AFP: variants seen among roughly 807,000 people sequenced by gnomAD.
AFP encodes the protein alpha fetoprotein, also known as alpha-fetoprotein.
A neutral mutation model predicts 78.9 loss-of-function variants in AFP; 64 were observed. The ratio of observed to expected loss-of-function variants is 0.81; its 90% confidence interval spans 0.66 to 1.00. AFP has a LOEUF of 1.00. AFP is among the 50% of genes least tolerant of loss of function. AFP has a pLI of 0.00. For missense variants in AFP, 689 were observed against 703.8 expected (o/e 0.98, Z 0.24); for synonymous variants, 254 against 243.8 (o/e 1.04, Z -0.39).
At chr4:73,439,179 T>C (rs1054430081) in intron 3 of AFP, among the ~76,000 whole-genome samples, 2 of 152,160 alleles carry the variant, frequency 1.3e-5, no homozygotes, top group African/African-American at 4.8e-5. Context: ...CAACAAATAA[T>C]ATTTATTATT....
intron 3 of AFP, among the ~76,000 whole-genome samples, chr4:73,439,109 T>G (rs1719592039): frequency 1.3e-5 from 2 of 152,174 alleles, no homozygotes; most frequent in South Asian, 4.1e-4. Context: ...CAGTTCAATC[T>G]GAATTTTAGA....
At chr4:73,442,783 T>C (rs1719707953) in intron 5 of AFP, among the ~76,000 whole-genome samples, 1 of 152,024 alleles carries the variant, frequency 6.6e-6, no homozygotes, top group African/African-American at 2.4e-5. Context: ...AGAACTATGA[T>C]AAATGCTTTA....
intron 6 of AFP, among the ~76,000 whole-genome samples, chr4:73,443,858 T>A (rs1719746498): frequency 6.6e-6 from 1 of 152,198 alleles, no homozygotes; most frequent in Non-Finnish European, 1.5e-5. Context: ...TGTTTCTTAA[T>A]CTTCTATAAG....
chr4:73,447,635 T>C lies in AFP; in HGVS notation c.1017T>C (p.Phe339=), dbSNP rs779795832. The C allele has an allele frequency of 8.7e-5, 140 of 1,611,598 alleles. No homozygotes were observed. Among genetic ancestry groups the C allele is most frequent in the Non-Finnish European group, 1.2e-4 (137 of 1,179,600 alleles). Residue 339 remains phenylalanine (F), a synonymous_variant, in exon 8 of 15, where the codon TTT becomes TTC. Coordinates refer to ENST00000395792, the MANE Select transcript of AFP (RefSeq NM_001134.3). The stretch of plus-strand genomic sequence containing the variant: ...ACAGGTTTTTAGGAGATAGAGATTT[T>C]AACCAATTTTCTTCAGGGGAAAAAA... ...NLNRFLGDRD[F]NQFSSGEKNI...
rs577763643 is a variant in AFP, at chr4:73,450,262, T to G, written c.1289+129T>G. 23 of 817,998 alleles carry G rather than the reference T, an allele frequency of 2.8e-5. No individual in the cohort carries two copies. The South Asian group carries it at 3.8e-4, about 14-fold the overall frequency. The allele number at this position is 817,998 out of a possible 1,614,324, so 50.7% of individuals were successfully genotyped here. ...CTGATCTGTGGTATTGACTTTAAGT[T>G]CCCCATACTGTGCAAATTTTTGCAG... On this transcript the variant is annotated intron_variant, in intron 10 of 14. Transcript: ENST00000395792.
At chr4:73,452,753 C>A (rs983616319) in intron 12 of AFP, 129 bp downstream of exon 12, 6 of 801,240 alleles carry the variant, frequency 7.5e-6, no homozygotes, top group South Asian at 2.9e-5. Flanking sequence ...CTTAAAATGC[C>A]TTTGAAAATA....
chr4:73,436,439 T>C, intron 1 of AFP, 92 bp downstream of exon 1: 1 of 712,970 alleles, frequency 1.4e-6, no homozygotes, highest in Non-Finnish European at 2.3e-6. Context: ...TTATTATTCA[T>C]ATTTATTATT....
intron 10 of AFP, chr4:73,450,412 T>C: frequency 1.4e-6 from 1 of 712,612 alleles, no homozygotes; most frequent in Non-Finnish European, 2.3e-6. Context: ...TTTTTCATTG[T>C]GATATGCTTC....
At position 73,438,225 on chromosome 4, in the gene AFP, A is replaced by G; in HGVS notation, c.189A>G (p.Val63=). 2 of 1,613,574 alleles carry G rather than the reference A, an allele frequency of 1.2e-6. No homozygotes were observed. The highest frequency in any genetic ancestry group is 1.7e-6 in the Non-Finnish European group (2 of 1,179,566). Residue 63 remains valine (V), a synonymous_variant, in exon 3 of 15, where the codon GTA becomes GTG. Coordinates refer to ENST00000395792, the MANE Select transcript of AFP (RefSeq NM_001134.3). ...QFVQEATYKE[V]SKMVKDALTA... ...TTCAAGAAGCCACTTACAAGGAAGT[A>G]AGCAAAATGGTGAAAGATGCATTGA...
At chr4:73,451,171 T>G (rs560761558) in intron 11 of AFP, among the ~76,000 whole-genome samples, 1 of 152,358 alleles carries the variant, frequency 6.6e-6, no homozygotes, top group African/African-American at 2.4e-5. Flanking sequence ...TTTAGCCATA[T>G]TTATATTTTC....
At chr4:73,439,059 G>A (rs1719590961) in intron 3 of AFP, among the ~76,000 whole-genome samples, 2 of 152,188 alleles carry the variant, frequency 1.3e-5, no homozygotes, top group South Asian at 4.2e-4. Context: ...CACATCGTTA[G>A]GGTTGCCAGG....
rs1260522588 is a variant in AFP at position 73,442,710 on chromosome 4, A to T, written c.615+282A>T. On this transcript the variant is annotated intron_variant, in intron 5 of 14. Transcript: ENST00000395792. The stretch of plus-strand genomic sequence containing the variant: ...AAAGAGAGAAAGAGAGGGTGCTATA[A>T]ATGGGAAGGAGTAAGTGAAAGAAAA... 2.0e-5 allele frequency among the ~76,000 whole-genome samples: 3 copies of T among 152,154 alleles called. No individual in the cohort carries two copies. In the East Asian group the frequency reaches 5.8e-4, roughly 29 times the overall value.
rs115932512 is a variant in AFP at position 73,440,656 on chromosome 4, G to C, written c.325G>C (p.Gly109Arg). The C allele has an allele frequency of 3.6e-4, 589 of 1,614,140 alleles. 4 individuals carry two copies. The African/African-American group carries it at 7.1e-3, about 19-fold the overall frequency. ...TGAGAAAGAAATTTTGGAGAAGTAC[G>C]GACATTCAGACTGCTGCAGCCAAAG... ...CHEKEILEKY[G>R]HSDCCSQSEE... Residue 109 changes from glycine (G) to arginine (R), a missense_variant, in exon 4 of 15, where the codon GGA (glycine) becomes CGA (arginine). By Grantham distance (125) the Gly-to-Arg change is moderately radical. Transcript: ENST00000395792.
At chr4:73,450,573 T>G in intron 10 of AFP, 42 bp from the exon 11 acceptor site, 1 of 1,613,814 alleles carries the variant, frequency 6.2e-7, no homozygotes. Flanking sequence ...TAAAAACTCA[T>G]GAATGACTCA....
intron 3 of AFP, 149 bp from the exon 4 acceptor site, chr4:73,440,453 A>G (rs570600654): frequency 1.5e-6 from 1 of 663,630 alleles, no homozygotes. Context: ...CTATTTCATC[A>G]GGCTGAAACA....
In AFP at chr4:73,450,078, G is replaced by T; in HGVS notation, c.1234G>T (p.Ala412Ser). ...QKYIQESQAL[A>S]KRSCGLFQKL... ...ATACATCCAGGAGAGCCAAGCATTG[G>T]CAAAGCGAAGCTGCGGCCTCTTCCA... The change falls in exon 10 of 15, where the codon GCA (alanine) becomes TCA (serine). Residue 412 changes from alanine to serine, a missense_variant. By Grantham distance (99) the Ala-to-Ser change is moderately conservative. Coordinates refer to ENST00000395792, the MANE Select transcript of AFP (RefSeq NM_001134.3). 1 of 1,613,768 alleles carries T rather than the reference G, an allele frequency of 6.2e-7. No homozygotes were observed. Among genetic ancestry groups the T allele is most frequent in the Non-Finnish European group, 8.5e-7 (1 of 1,179,756 alleles).
chr4:73,455,361 A>C, intron 14 of AFP, 71 bp downstream of exon 14: 1 of 1,259,902 alleles, frequency 7.9e-7, no homozygotes, highest in Non-Finnish European at 1.2e-6. Flanking sequence ...AATGAGATAG[A>C]TCATGAGGAG....
chr4:73,442,701 G>A, intron 5 of AFP, among the ~76,000 whole-genome samples: 1 of 152,010 alleles, frequency 6.6e-6, no homozygotes, highest in East Asian at 1.9e-4. Context: ...AGAAAGAGAG[G>A]GTGCTATAAA....
At position 73,451,688 on chromosome 4, in the gene AFP, G is replaced by C. The variant is rs577681834; in HGVS notation, c.1429-713G>C. ...GTGGGAAAGCAACTTATGTCATTAA[G>C]CTTGAGTTTTTTCATCTGACATTTG... On this transcript the variant is annotated intron_variant, in intron 11 of 14. Transcript: ENST00000395792. Among the ~76,000 whole-genome samples the C allele has an allele frequency of 2.6e-5, 4 of 152,272 alleles. No individual in the cohort carries two copies. The East Asian group carries it at 7.7e-4, about 29-fold the overall frequency.
Sources: allele counts gnomAD v4.1 joint callset (sites outside exome capture counted in the v4.1 genomes callset), GRCh38; gene constraint gnomAD v4.1.1; transcripts MANE v1.5; gene names NCBI Gene and HGNC (gene_info 2026-07-23, HGNC 2026-07-21).